RPS24: variants seen among roughly 807,000 people sequenced by gnomAD.
The protein encoded by RPS24 is small ribosomal subunit protein eS24.
For synonymous variants in RPS24, 72 were observed against 55.6 expected, an observed-to-expected ratio of 1.30 and a Z score of -1.31; for missense variants, 100 against 162.5, an observed-to-expected ratio of 0.62 and a Z score of 2.09.
downstream of RPS24, among the ~76,000 whole-genome samples, chr10:78,045,312 G>A (rs1326986637): frequency 1.3e-5 from 2 of 152,132 alleles, no homozygotes; most frequent in Non-Finnish European, 2.9e-5. Context: ...TCGGAAAAAG[G>A]GACCAGATCA....
exon 5 of RPS24, chr10:78,055,830 GCAACCTCTGCTTCC>G (rs1333160985): frequency 6.6e-6 from 1 of 152,294 alleles, no homozygotes; most frequent in African/African-American, 2.4e-5. Context: ...TTGGCTCACT[GCAACCTCTGCTTCC>G]CAGGTTCAAG....
exon 5 of RPS24, chr10:78,055,191 C>T: frequency 3.0e-6 from 3 of 1,012,628 alleles, no homozygotes; most frequent in Non-Finnish European, 3.9e-6. Context: ...CCCCACGCCC[C>T]CACAATCCCC....
chr10:78,045,396 C>T (rs1848033087), downstream of RPS24, among the ~76,000 whole-genome samples: 1 of 152,174 alleles, frequency 6.6e-6, no homozygotes, highest in African/African-American at 2.4e-5. Flanking sequence ...CAAAAGACTT[C>T]CCTTTTCTGG....
At chr10:78,043,857 C>G (rs955417357), downstream of RPS24, among the ~76,000 whole-genome samples, 1 of 152,002 alleles carries the variant, frequency 6.6e-6, no homozygotes, top group African/African-American at 2.4e-5. Context: ...GGAAAATTAT[C>G]ATGGCTAAAT....
intron 5 of RPS24, 71 bp from the exon 6 acceptor site, chr10:78,040,544 C>A: frequency 9.0e-7 from 1 of 1,113,584 alleles, no homozygotes; most frequent in Non-Finnish European, 1.4e-6. Context: ...AGTGTTACTA[C>A]TTTTGGAATT....
At chr10:78,034,788 A>G (rs1847825177) in intron 1 of RPS24, among the ~76,000 whole-genome samples, 1 of 152,244 alleles carries the variant, frequency 6.6e-6, no homozygotes, top group South Asian at 2.1e-4. Flanking sequence ...AGTGAGTACA[A>G]GGTTTGGGGC....
Position 78,054,638 on chromosome 10 carries a change from G to T in RPS24, c.498G>T (p.Trp166Cys), listed in dbSNP as rs770938590. The T allele has an allele frequency of 5.2e-6, 8 of 1,551,620 alleles. No homozygotes were observed. In the African/African-American group the frequency reaches 1.1e-4, roughly 21 times the overall value. Reference sequence around the variant, plus strand: ...CAAGAGAAAGCCGGGGGGTTGTGTGGCAGGTAGAAGTGCCAGGACCGTGGA... The same window carrying T: ...CAAGAGAAAGCCGGGGGGTTGTGTGTCAGGTAGAAGTGCCAGGACCGTGGA... Residue 166 changes from tryptophan (W) to cysteine (C), a missense_variant, in exon 5 of 5, where the codon TGG becomes TGT. Coordinates refer to the RPS24 transcript ENST00000440692.
Position 78,040,219 on chromosome 10 carries a change from A to G in RPS24, c.*13A>G. The stretch of plus-strand genomic sequence containing the variant: ...ACTGATTCAGTGAGCTGGAGATTGG[A>G]TCACAGGTATAATTCAAGCTTTTCA... On this transcript the variant is annotated 3_prime_UTR_variant, in exon 5 of 6. Coordinates refer to ENST00000372360, the MANE Select transcript of RPS24 (RefSeq NM_033022.4). 1 of 1,613,500 alleles carries G rather than the reference A, an allele frequency of 6.2e-7. No homozygotes were observed. The highest frequency in any genetic ancestry group is 2.2e-5 in the East Asian group (1 of 44,874).
At chr10:78,035,884 G>A (rs1490127354) in intron 3 of RPS24, 164 bp downstream of exon 3, 2 of 664,404 alleles carry the variant, frequency 3.0e-6, no homozygotes, top group Non-Finnish European at 5.3e-6. Flanking sequence ...GAGTACGGGG[G>A]TTCAAAATTG....
intron 4 of RPS24, among the ~76,000 whole-genome samples, chr10:78,048,233 C>G (rs1240025962): frequency 6.6e-6 from 1 of 152,166 alleles, no homozygotes; most frequent in East Asian, 1.9e-4. Context: ...TTAAAAAGTC[C>G]ATATCTTCAG....
At chr10:78,034,593 G>A (rs1354619272) in intron 1 of RPS24, among the ~76,000 whole-genome samples, 2 of 152,230 alleles carry the variant, frequency 1.3e-5, no homozygotes, top group Non-Finnish European at 2.9e-5. Context: ...GAAAGTCTAG[G>A]AAGTTATTTG....
At position 78,037,247 on chromosome 10, in the gene RPS24, G is replaced by A. The variant is rs144291219; in HGVS notation, c.333G>A (p.Lys111=). 9.8e-5 allele frequency: 158 copies of A among 1,608,270 alleles called. No homozygotes were observed. Among genetic ancestry groups the A allele is most frequent in the Non-Finnish European group, 1.3e-4 (152 of 1,177,350 alleles). Residue 111 remains lysine, a synonymous_variant, in exon 4 of 6, where the codon AAG becomes AAA. Coordinates refer to ENST00000372360, the MANE Select transcript of RPS24 (RefSeq NM_033022.4). ...CAAGAAAGCAACGAAAGGAACGCAA[G>A]AACAGAATGAAGAAAGTCAGGGGGA... ...KTSRKQRKER[K]NRMKKVRGTA...
At chr10:78,035,039 ATATCCATATGGAAT>A (rs1847832603) in intron 1 of RPS24, among the ~76,000 whole-genome samples, 1 of 152,206 alleles carries the variant, frequency 6.6e-6, no homozygotes, top group Non-Finnish European at 1.5e-5. Flanking sequence ...TCCCCACAAC[ATATCCATATGGAAT>A]TATCCATATG....
chr10:78,047,865 T>C (rs1848061983), intron 4 of RPS24, among the ~76,000 whole-genome samples: 1 of 152,194 alleles, frequency 6.6e-6, no homozygotes, highest in African/African-American at 2.4e-5. Flanking sequence ...TCTGTCCTAT[T>C]CTTTGACAAG....
At chr10:78,041,379 G>T (rs936286146), downstream of RPS24, among the ~76,000 whole-genome samples, 1 of 152,212 alleles carries the variant, frequency 6.6e-6, no homozygotes, top group Admixed American at 6.5e-5. Flanking sequence ...GGGCCTGCTG[G>T]CCAGGGGGTG....
intron 2 of RPS24, 34 bp downstream of exon 2, chr10:78,035,451 T>TC: frequency 6.2e-7 from 1 of 1,612,942 alleles, no homozygotes; most frequent in Non-Finnish European, 8.5e-7. Flanking sequence ...TGCTTAATTG[T>TC]CCTTTACTCT....
intron 4 of RPS24, chr10:78,038,907 C>G (rs1056516042): frequency 1.3e-5 from 2 of 152,248 alleles, no homozygotes; most frequent in Admixed American, 6.5e-5. Flanking sequence ...GCTGGGATTA[C>G]AGGTGTGAGC....
chr10:78,034,367 G>A (rs1338878952), intron 1 of RPS24: 1 of 213,856 alleles, frequency 4.7e-6, no homozygotes, highest in Non-Finnish European at 9.6e-6. Flanking sequence ...CAGCTGGATG[G>A]ATCTTCATGT....
rs769863177 is a variant in RPS24 at position 78,040,648 on chromosome 10, T to C, written c.*53T>C. On this transcript the variant is annotated 3_prime_UTR_variant, in exon 6 of 6. Coordinates refer to ENST00000372360, the MANE Select transcript of RPS24 (RefSeq NM_033022.4). Reference sequence around the variant, plus strand: ...GTAAAGGTGCTGCAATGATGTTAGCTGTGGCCACTGTGGATTTTTCGCAAG... The same window carrying C: ...GTAAAGGTGCTGCAATGATGTTAGCCGTGGCCACTGTGGATTTTTCGCAAG... 2 of 1,614,154 alleles carry C rather than the reference T, an allele frequency of 1.2e-6. No homozygotes were observed. Among genetic ancestry groups the C allele is most frequent in the Non-Finnish European group, 1.7e-6 (2 of 1,179,958 alleles).
Sources: gnomAD v4.1 joint callset for allele counts (sites outside exome capture counted in the v4.1 genomes callset) on GRCh38, gnomAD v4.1.1 for gene constraint, MANE v1.5 for transcripts, NCBI Gene and HGNC (gene_info 2026-07-23, HGNC 2026-07-21) for gene names.